MARCHF1: variants seen among roughly 807,000 people sequenced by gnomAD.
The protein encoded by MARCHF1 is E3 ubiquitin-protein ligase MARCHF1.
MARCHF1 carries 40 observed loss-of-function variants against 54.2 expected under a neutral mutation model. That is an observed-to-expected ratio of 0.74 (90% CI 0.57 to 0.96). MARCHF1 has a LOEUF of 0.96. MARCHF1 is among the 40% of genes least tolerant of loss of function. MARCHF1 has a pLI of 0.00. For missense variants in MARCHF1, 586 were observed against 656.5 expected, an observed-to-expected ratio of 0.89 and a Z score of 1.17; for synonymous variants, 236 against 236.3, an observed-to-expected ratio of 1.00 and a Z score of 0.01.
chr4:164,248,488 G>T (rs979519626), intron 1 of MARCHF1, among the ~76,000 whole-genome samples: 1 of 151,940 alleles, frequency 6.6e-6, no homozygotes, highest in Non-Finnish European at 1.5e-5. Context: ...ATTTACTTTT[G>T]TATCTCTCAC....
At chr4:163,970,113 C>T (rs1351020232) in intron 3 of MARCHF1, among the ~76,000 whole-genome samples, 1 of 152,166 alleles carries the variant, frequency 6.6e-6, no homozygotes, top group Non-Finnish European at 1.5e-5. Flanking sequence ...ACTACTCTCA[C>T]ACATGATAAC....
intron 4 of MARCHF1, among the ~76,000 whole-genome samples, chr4:163,729,767 A>C (rs1037516910): frequency 6.6e-6 from 1 of 152,116 alleles, no homozygotes; most frequent in Non-Finnish European, 1.5e-5. Flanking sequence ...TTGGGCCACC[A>C]AAATTTCTGA....
chr4:163,546,248 GA>G (rs1738902448), intron 8 of MARCHF1, among the ~76,000 whole-genome samples: 1 of 152,116 alleles, frequency 6.6e-6, no homozygotes, highest in African/African-American at 2.4e-5. Context: ...AAAGTGCTGG[GA>G]TTATAGGCAT....
chr4:163,906,246 T>C (rs1175072610), intron 3 of MARCHF1, among the ~76,000 whole-genome samples: 1 of 151,998 alleles, frequency 6.6e-6, no homozygotes, highest in Non-Finnish European at 1.5e-5. Flanking sequence ...TTTTCTCTGC[T>C]CACAGAGAAT....
intron 5 of MARCHF1, among the ~76,000 whole-genome samples, chr4:163,642,563 A>G (rs981640071): frequency 6.6e-6 from 1 of 152,190 alleles, no homozygotes; most frequent in African/African-American, 2.4e-5. Context: ...TTAAGGAGAC[A>G]AGTTTGCTAG....
At chr4:164,291,281 GTGAT>G (rs1244265456) in intron 1 of MARCHF1, among the ~76,000 whole-genome samples, 2 of 151,938 alleles carry the variant, frequency 1.3e-5, no homozygotes, top group Non-Finnish European at 2.9e-5. Context: ...AGGACATAAT[GTGAT>G]TGATTTTTAG....
At chr4:164,195,003 C>T (rs1731216497) in intron 1 of MARCHF1, among the ~76,000 whole-genome samples, 1 of 151,832 alleles carries the variant, frequency 6.6e-6, no homozygotes, top group Non-Finnish European at 1.5e-5. Context: ...TGTGATGTTC[C>T]CCGCCCTGTA....
At chr4:164,229,001 C>T (rs144311817) in intron 1 of MARCHF1, among the ~76,000 whole-genome samples, 4 of 152,040 alleles carry the variant, frequency 2.6e-5, no homozygotes, top group Non-Finnish European at 5.9e-5. Context: ...AAGGCAGGGG[C>T]GTCTGTATTA....
intron 8 of MARCHF1, among the ~76,000 whole-genome samples, chr4:163,564,145 G>A (rs1739562927): frequency 6.6e-6 from 1 of 152,066 alleles, no homozygotes. Context: ...TTACTGTTCG[G>A]TACATATTTC....
At chr4:164,277,030 C>T (rs1406691530) in intron 1 of MARCHF1, among the ~76,000 whole-genome samples, 5 of 150,990 alleles carry the variant, frequency 3.3e-5, no homozygotes, top group African/African-American at 4.9e-5. Flanking sequence ...TTGAGTTCCA[C>T]GGTGTTGAGA....
intron 1 of MARCHF1, among the ~76,000 whole-genome samples, chr4:164,161,587 A>C (rs978641649): frequency 1.3e-5 from 2 of 152,074 alleles, no homozygotes; most frequent in African/African-American, 4.8e-5. Flanking sequence ...CCAAAACCTA[A>C]GTGAAGTTGG....
rs1747356584 is a variant in MARCHF1 at position 163,778,130 on chromosome 4, T to C, written c.111+75891A>G. The stretch of plus-strand genomic sequence containing the variant: ...CTATTTATTGCTAAGCAGGATTCGA[T>C]TACATGGATATACCACAGTTTTCTT... On this transcript the variant is annotated intron_variant, in intron 4 of 9. Coordinates refer to ENST00000514618, the MANE Select transcript of MARCHF1 (RefSeq NM_001394959.1). 2.0e-5 allele frequency among the ~76,000 whole-genome samples: 3 copies of C among 151,772 alleles called. No homozygotes were observed. The Admixed American group carries it at 2.0e-4, about 10-fold the overall frequency.
intron 1 of MARCHF1, among the ~76,000 whole-genome samples, chr4:164,125,101 T>C (rs1756151636): frequency 6.6e-6 from 1 of 152,020 alleles, no homozygotes; most frequent in South Asian, 2.1e-4. Context: ...AATTTTAAAA[T>C]AGAATTCAAC....
chr4:164,191,840 CAA>C (rs1560946961), intron 1 of MARCHF1, among the ~76,000 whole-genome samples: 2 of 152,100 alleles, frequency 1.3e-5, no homozygotes, highest in African/African-American at 4.8e-5. Flanking sequence ...TATTTTTACT[CAA>C]ATCCTATTCA....
At chr4:163,851,719 C>T (rs1202752462) in intron 4 of MARCHF1, among the ~76,000 whole-genome samples, 1 of 152,190 alleles carries the variant, frequency 6.6e-6, no homozygotes, top group Non-Finnish European at 1.5e-5. Flanking sequence ...ATAGAAAGGC[C>T]TCCCTTGCAA....
intron 1 of MARCHF1, among the ~76,000 whole-genome samples, chr4:164,242,735 A>AC: frequency 6.6e-6 from 1 of 152,192 alleles, no homozygotes; most frequent in Admixed American, 6.5e-5. Context: ...TTTGAAAAAA[A>AC]TTTAGAAGAA....
At chr4:164,270,899 CA>C (rs1476144860) in intron 1 of MARCHF1, among the ~76,000 whole-genome samples, 1 of 151,846 alleles carries the variant, frequency 6.6e-6, no homozygotes, top group Non-Finnish European at 1.5e-5. Context: ...ACCAAAGGGC[CA>C]AAATAGTCAA....
chr4:164,225,715 G>A (rs1042503289), intron 1 of MARCHF1, among the ~76,000 whole-genome samples: 5 of 151,944 alleles, frequency 3.3e-5, no homozygotes, highest in African/African-American at 1.2e-4. Context: ...TGAAATACCT[G>A]AAACTCTCAT....
chr4:163,639,598 T>C lies in MARCHF1; in HGVS notation c.163-26205A>G, dbSNP rs140351563. 5.2e-3 allele frequency among the ~76,000 whole-genome samples: 785 copies of C among 152,310 alleles called. 3 individuals carry two copies. Among genetic ancestry groups the C allele is most frequent in the Middle Eastern group, 0.02 (6 of 294 alleles). Reference sequence around the variant, plus strand: ...TAATGAACATGTGTGTTGGAACGTTTTTGTTCTGTTCATTATAAATTATGC... The same window carrying C: ...TAATGAACATGTGTGTTGGAACGTTCTTGTTCTGTTCATTATAAATTATGC... On this transcript the variant is annotated intron_variant, in intron 5 of 9. Transcript: ENST00000514618.
Sources: gnomAD v4.1 joint callset for allele counts (sites outside exome capture counted in the v4.1 genomes callset) on GRCh38, gnomAD v4.1.1 for gene constraint, MANE v1.5 for transcripts, NCBI Gene and HGNC (gene_info 2026-07-23, HGNC 2026-07-21) for gene names.